MTAP: variants seen among roughly 807,000 people sequenced by gnomAD.
MTAP encodes the protein S-methyl-5'-thioadenosine phosphorylase.
A neutral mutation model predicts 33.6 loss-of-function variants in MTAP; 33 were observed. The ratio of observed to expected loss-of-function variants is 0.98; its 90% confidence interval spans 0.74 to 1.31. The LOEUF (loss-of-function observed/expected upper bound fraction) is 1.31. Among genes scored for constraint, MTAP ranks in the 40% most tolerant of loss-of-function variants. MTAP has a pLI of 0.00. For synonymous variants in MTAP, 148 were observed against 125.7 expected, an observed-to-expected ratio of 1.18 and a Z score of -1.19; for missense variants, 367 against 360.0, an observed-to-expected ratio of 1.02 and a Z score of -0.16.
chr9:21,918,099 C>G (rs1220755758), intron 1 of MTAP, among the ~76,000 whole-genome samples: 1 of 129,128 alleles, frequency 7.7e-6, no homozygotes, highest in East Asian at 1.9e-4. Flanking sequence ...GCCTGTAATC[C>G]CAGCACTTTG....
intron 1 of MTAP, among the ~76,000 whole-genome samples, chr9:21,806,262 G>T (rs1201906918): frequency 1.3e-5 from 2 of 152,078 alleles, no homozygotes; most frequent in African/African-American, 4.8e-5. Context: ...AATCAGATTG[G>T]GGATAGAATT....
intron 3 of MTAP, 97 bp from the exon 4 acceptor site, chr9:21,817,938 C>T (rs557075565): frequency 1.2e-5 from 14 of 1,198,718 alleles, no homozygotes; most frequent in Non-Finnish European, 1.6e-5. Flanking sequence ...AGTCTGTGGT[C>T]ATTGCTAGAG....
chr9:21,918,433 G>C (rs1346632286), intron 1 of MTAP, among the ~76,000 whole-genome samples: 2 of 149,912 alleles, frequency 1.3e-5, no homozygotes, highest in African/African-American at 4.9e-5. Context: ...TAAGGGATAA[G>C]AGAATATTGG....
At chr9:21,916,513 G>A (rs1230530077) in intron 1 of MTAP, among the ~76,000 whole-genome samples, 3 of 152,246 alleles carry the variant, frequency 2.0e-5, no homozygotes, top group Admixed American at 2.0e-4. Flanking sequence ...CAGAGGCTGA[G>A]TCAGGAGAAT....
intron 1 of MTAP, among the ~76,000 whole-genome samples, chr9:21,883,692 A>G (rs538067799): frequency 1.3e-5 from 2 of 151,428 alleles, no homozygotes; most frequent in South Asian, 4.2e-4. Flanking sequence ...AGATAGCAAA[A>G]AAAAAATCTG....
chr9:21,806,372 T>C (rs895639977), intron 1 of MTAP, among the ~76,000 whole-genome samples: 1 of 152,018 alleles, frequency 6.6e-6, no homozygotes, highest in Non-Finnish European at 1.5e-5. Flanking sequence ...ATGATGATAC[T>C]GGTGGATCAT....
intron 1 of MTAP, among the ~76,000 whole-genome samples, chr9:21,915,621 ACT>A (rs2131024042): frequency 6.6e-6 from 1 of 152,242 alleles, no homozygotes; most frequent in Admixed American, 6.5e-5. Context: ...TTAGAATTTT[ACT>A]CTGAGTATAC....
At chr9:21,834,519 C>A (rs1157545253) in intron 4 of MTAP, among the ~76,000 whole-genome samples, 4 of 152,212 alleles carry the variant, frequency 2.6e-5, no homozygotes, top group Non-Finnish European at 4.4e-5. Context: ...CGGCTGCATT[C>A]CTTTCTGGAG....
chr9:21,812,809 T>C (rs980312752), intron 1 of MTAP, among the ~76,000 whole-genome samples: 4 of 152,194 alleles, frequency 2.6e-5, no homozygotes, highest in African/African-American at 9.7e-5. Context: ...CCAGGGGATA[T>C]TGGGAGAGGG....
At chr9:21,858,519 G>C (rs551426615) in intron 6 of MTAP, among the ~76,000 whole-genome samples, 1 of 152,274 alleles carries the variant, frequency 6.6e-6, no homozygotes, top group African/African-American at 2.4e-5. Flanking sequence ...GTGGGAGCAG[G>C]AGCAAGAGAG....
At position 21,899,373 on chromosome 9, in the gene MTAP, A is replaced by G. The variant is rs371257501; in HGVS notation, c.148-31635A>G. 8.6e-5 allele frequency among the ~76,000 whole-genome samples: 13 copies of G among 151,866 alleles called. 2 individuals are homozygous for G. Among genetic ancestry groups the G allele is most frequent in the African/African-American group, 3.1e-4 (13 of 41,398 alleles). The stretch of plus-strand genomic sequence containing the variant: ...GTTGTGCATATGTACCGCATAACTT[A>G]AAGTACAATAATGGAAGGAAGGAAG... On this transcript the variant is annotated intron_variant, in intron 1 of 1. Transcript: ENST00000577563.
intron 1 of MTAP, chr9:21,893,183 C>A (rs956782479): frequency 6.6e-6 from 1 of 152,100 alleles, no homozygotes; most frequent in East Asian, 1.9e-4. Context: ...AATCCAATTA[C>A]CTCCACCTGG....
At chr9:21,808,722 C>T (rs1300803202) in intron 1 of MTAP, 1 of 152,168 alleles carries the variant, frequency 6.6e-6, no homozygotes, top group Non-Finnish European at 1.5e-5. Context: ...TTAGAAAAAC[C>T]ATTTCCTTGC....
intron 1 of MTAP, among the ~76,000 whole-genome samples, chr9:21,874,397 ATGT>A (rs771494111): frequency 9.2e-5 from 14 of 152,186 alleles, no homozygotes; most frequent in Non-Finnish European, 1.6e-4. Context: ...CATGTTTTAC[ATGT>A]TGTTTATTTA....
intron 1 of MTAP, among the ~76,000 whole-genome samples, chr9:21,918,555 A>T (rs183533623): frequency 7.0e-4 from 106 of 151,500 alleles, no homozygotes; most frequent in African/African-American, 2.5e-3. Flanking sequence ...TATTGAAATT[A>T]AAAAAAAATT....
intron 2 of MTAP, 40 bp from the exon 3 acceptor site, chr9:21,816,674 T>G (rs1285002321): frequency 1.3e-6 from 2 of 1,575,886 alleles, no homozygotes; most frequent in South Asian, 2.3e-5. Context: ...TACCTGTTTT[T>G]AAATCACTGA....
At position 21,885,855 on chromosome 9, in the gene MTAP, A is replaced by G. The variant is rs1005856990; in HGVS notation, c.147+30985A>G. Among the ~76,000 whole-genome samples, 11 of 150,554 alleles carry G rather than the reference A, an allele frequency of 7.3e-5. 1 individual carries two copies. The East Asian group carries it at 2.0e-3, about 27-fold the overall frequency. The stretch of plus-strand genomic sequence containing the variant: ...CACATTTTCTTCATCCACTCGTTGA[A>G]TGATGGGAATTTGAGCTGGTTCCAT... On this transcript the variant is annotated intron_variant, in intron 1 of 1. Coordinates refer to the MTAP transcript ENST00000577563.
intron 1 of MTAP, among the ~76,000 whole-genome samples, chr9:21,884,531 A>G (rs1415639601): frequency 6.6e-6 from 1 of 152,178 alleles, no homozygotes; most frequent in East Asian, 1.9e-4. Flanking sequence ...TTAAACAACA[A>G]ACATTTATTT....
chr9:21,845,029 T>TC (rs1825344375), intron 5 of MTAP, among the ~76,000 whole-genome samples: 1 of 76,374 alleles, frequency 1.3e-5, no homozygotes, highest in African/African-American at 7.6e-5. Context: ...AGACTCCGTC[T>TC]CAAAAAAAAA....
Sources: allele counts gnomAD v4.1 joint callset (sites outside exome capture counted in the v4.1 genomes callset), GRCh38; gene constraint gnomAD v4.1.1; transcripts MANE v1.5; gene names NCBI Gene and HGNC (gene_info 2026-07-23, HGNC 2026-07-21).